RNF212B: variants seen among roughly 807,000 people sequenced by gnomAD.
RNF212B encodes E3 ubiquitin-protein ligase RNF212B.
In RNF212B, 52 loss-of-function variants were observed where a neutral mutation model predicts 55.5. The observed-to-expected ratio is 0.94, with a 90% CI of 0.75 to 1.18. The LOEUF (loss-of-function observed/expected upper bound fraction) is 1.18. RNF212B is among the 50% of genes most tolerant of loss of function. The probability of loss-of-function intolerance (pLI) is 0.00; values close to 1 mark genes in which losing one functional copy is unlikely to be tolerated. For synonymous variants in RNF212B, 99 were observed against 121.4 expected (o/e 0.82, Z 1.21); for missense variants, 289 against 350.4 (o/e 0.82, Z 1.40).
intron 2 of RNF212B, among the ~76,000 whole-genome samples, chr14:23,207,631 C>T (rs1284222161): frequency 3.9e-5 from 6 of 152,140 alleles, no homozygotes; most frequent in Admixed American, 3.9e-4. Context: ...GGAGATTTGT[C>T]AAAGGTCGGG....
At chr14:23,256,094 G>T (rs1884811110) in intron 4 of RNF212B, among the ~76,000 whole-genome samples, 1 of 152,030 alleles carries the variant, frequency 6.6e-6, no homozygotes, top group African/African-American at 2.4e-5. Context: ...CCACAGTGGG[G>T]TCTGTTTATG....
rs545322160 is a variant in RNF212B, at chr14:23,250,881, A to G, written c.228+6485A>G. Reference sequence around the variant, plus strand: ...TAGGTCATAGGTAGATAAGAGACCAATGGTTGCCTTCTTTTGAGTTTCTGA... The same window carrying G: ...TAGGTCATAGGTAGATAAGAGACCAGTGGTTGCCTTCTTTTGAGTTTCTGA... On this transcript the variant is annotated intron_variant, in intron 4 of 14. Coordinates refer to ENST00000430154, the MANE Select transcript of RNF212B (RefSeq NM_001282322.3). Among the ~76,000 whole-genome samples the G allele has an allele frequency of 2.6e-5, 4 of 152,326 alleles. No homozygotes were observed. The South Asian group carries it at 8.3e-4, about 32-fold the overall frequency.
chr14:23,232,788 G>GGC (rs1238770555), intron 2 of RNF212B, among the ~76,000 whole-genome samples: 1 of 147,900 alleles, frequency 6.8e-6, no homozygotes, highest in Non-Finnish European at 1.5e-5. Context: ...GGGAGGTGGG[G>GGC]GGGGGGTCAG....
At chr14:23,233,855 G>T (rs1882912530), upstream of RNF212B, among the ~76,000 whole-genome samples, 1 of 151,896 alleles carries the variant, frequency 6.6e-6, no homozygotes, top group Non-Finnish European at 1.5e-5. Context: ...CCAGCACTTT[G>T]GGAAGCCAAG....
upstream of RNF212B, among the ~76,000 whole-genome samples, chr14:23,233,672 G>T (rs1398753720): frequency 6.7e-6 from 1 of 149,026 alleles, no homozygotes; most frequent in African/African-American, 2.5e-5. Context: ...GGCCTGGGAG[G>T]TTGAGGCTGC....
chr14:23,242,522 G>C (rs903944897), intron 2 of RNF212B, among the ~76,000 whole-genome samples: 1 of 152,196 alleles, frequency 6.6e-6, no homozygotes, highest in South Asian at 2.1e-4. Flanking sequence ...ATGTGTGCCT[G>C]CTGTCAGGTC....
intron 2 of RNF212B, among the ~76,000 whole-genome samples, chr14:23,226,296 CAAA>C (rs71119005): frequency 0.038 from 2,908 of 75,908 alleles, 136 homozygotes; most frequent in African/African-American, 0.12. Flanking sequence ...GAAACCGTCT[CAAA>C]AAAAAAAAAA....
intron 4 of RNF212B, among the ~76,000 whole-genome samples, chr14:23,245,977 C>T (rs1426859651): frequency 1.3e-5 from 2 of 152,120 alleles, no homozygotes; most frequent in African/African-American, 4.8e-5. Flanking sequence ...TTTTTATGTT[C>T]TCCAATCTCT....
At chr14:23,196,702 A>G (rs766269338) in intron 2 of RNF212B, among the ~76,000 whole-genome samples, 33 of 152,192 alleles carry the variant, frequency 2.2e-4, no homozygotes, top group Non-Finnish European at 3.7e-4. Flanking sequence ...TAGGCCTCCT[A>G]AAGTGCTGGG....
intron 3 of RNF212B, among the ~76,000 whole-genome samples, chr14:23,243,717 A>AAAAGC (rs1566424491): frequency 3.4e-5 from 4 of 116,846 alleles, no homozygotes; most frequent in South Asian, 2.6e-4. Flanking sequence ...AAAAAAAAAA[A>AAAAGC]AAGCAAGCAA....
At chr14:23,195,769 G>A (rs1397986782) in intron 2 of RNF212B, among the ~76,000 whole-genome samples, 1 of 152,190 alleles carries the variant, frequency 6.6e-6, no homozygotes, top group Non-Finnish European at 1.5e-5. Context: ...CTATGTGCCA[G>A]ACACTTCATG....
At chr14:23,192,334 C>G (rs1878191276) in intron 1 of RNF212B, among the ~76,000 whole-genome samples, 1 of 152,180 alleles carries the variant, frequency 6.6e-6, no homozygotes, top group Non-Finnish European at 1.5e-5. Flanking sequence ...AGCACATATA[C>G]ACCAAGGAAT....
chr14:23,224,799 C>G (rs1323868933), intron 2 of RNF212B, among the ~76,000 whole-genome samples: 1 of 152,128 alleles, frequency 6.6e-6, no homozygotes, highest in Non-Finnish European at 1.5e-5. Flanking sequence ...AGGAAACAAT[C>G]AACAAAGTGA....
chr14:23,195,287 A>G (rs2140360342), intron 2 of RNF212B, among the ~76,000 whole-genome samples: 1 of 151,966 alleles, frequency 6.6e-6, no homozygotes, highest in South Asian at 2.1e-4. Flanking sequence ...AACCCATGAG[A>G]TGCAGCTAAA....
intron 2 of RNF212B, among the ~76,000 whole-genome samples, chr14:23,226,424 A>T (rs759683439): frequency 1.5e-4 from 22 of 151,364 alleles, no homozygotes; most frequent in Non-Finnish European, 2.5e-4. Flanking sequence ...AGGTCAGGAG[A>T]TCGAGACCAT....
chr14:23,222,267 A>G (rs1881639245), intron 2 of RNF212B, among the ~76,000 whole-genome samples: 1 of 152,076 alleles, frequency 6.6e-6, no homozygotes, highest in Non-Finnish European at 1.5e-5. Context: ...AAAAAAAAAG[A>G]AGACCCAAAG....
At chr14:23,251,938 C>T (rs1442736513) in intron 4 of RNF212B, among the ~76,000 whole-genome samples, 1 of 152,188 alleles carries the variant, frequency 6.6e-6, no homozygotes, top group East Asian at 1.9e-4. Context: ...CTCCCAGCAC[C>T]TCCAAGTGTT....
intron 4 of RNF212B, among the ~76,000 whole-genome samples, chr14:23,252,305 C>G (rs1457692112): frequency 6.6e-6 from 1 of 152,002 alleles, no homozygotes; most frequent in African/African-American, 2.4e-5. Context: ...TGTGAGGAAC[C>G]AGGGGCGAAG....
upstream of RNF212B, among the ~76,000 whole-genome samples, chr14:23,233,752 A>G (rs1203108223): frequency 8.3e-4 from 126 of 151,070 alleles, no homozygotes; most frequent in Non-Finnish European, 1.4e-3. Context: ...AAAAAAAAAA[A>G]AAAAAAAAAG....
Sources: gnomAD v4.1 joint callset for allele counts (sites outside exome capture counted in the v4.1 genomes callset) on GRCh38, gnomAD v4.1.1 for gene constraint, MANE v1.5 for transcripts, NCBI Gene and HGNC (gene_info 2026-07-23, HGNC 2026-07-21) for gene names.